PCSK2: variants seen among roughly 807,000 people sequenced by gnomAD.
PCSK2 encodes neuroendocrine convertase 2.
A neutral mutation model predicts 69.7 loss-of-function variants in PCSK2; 14 were observed. The observed-to-expected ratio is 0.20, with a 90% CI of 0.13 to 0.31. PCSK2 has a LOEUF of 0.31. Ranked by LOEUF, PCSK2 falls within the 10% of genes least tolerant of loss-of-function variation. The pLI is 1.00. For synonymous variants in PCSK2, 307 were observed against 320.7 expected (o/e 0.96, Z 0.46); for missense variants, 544 against 842.5 (o/e 0.65, Z 4.39).
intron 8 of PCSK2, among the ~76,000 whole-genome samples, chr20:17,447,334 G>A (rs1699506053): frequency 6.6e-6 from 1 of 151,144 alleles, no homozygotes; most frequent in African/African-American, 2.4e-5. Context: ...TTTGGGGCTT[G>A]GGGCTTTGCT....
intron 7 of PCSK2, among the ~76,000 whole-genome samples, chr20:17,432,327 C>T (rs1299095196): frequency 4.6e-5 from 7 of 152,112 alleles, no homozygotes; most frequent in South Asian, 2.1e-4. Flanking sequence ...TTTCTCTTCG[C>T]GTCCGTCTTC....
intron 8 of PCSK2, among the ~76,000 whole-genome samples, chr20:17,448,632 C>A (rs759403061): frequency 1.3e-5 from 2 of 152,066 alleles, no homozygotes; most frequent in Non-Finnish European, 2.9e-5. Flanking sequence ...GTTTAGTAGT[C>A]TCCCTGGCCT....
At chr20:17,359,213 C>T (rs910688775) in intron 3 of PCSK2, among the ~76,000 whole-genome samples, 2 of 152,198 alleles carry the variant, frequency 1.3e-5, no homozygotes, top group Non-Finnish European at 2.9e-5. Context: ...TTGTGGACGG[C>T]TACATTACAG....
chr20:17,316,575 G>T (rs529626466), intron 2 of PCSK2, among the ~76,000 whole-genome samples: 3 of 152,260 alleles, frequency 2.0e-5, no homozygotes, highest in African/African-American at 7.2e-5. Flanking sequence ...GATTCTAAGT[G>T]AATCTAGAGT....
chr20:17,368,615 T>C (rs1367605331), intron 4 of PCSK2, among the ~76,000 whole-genome samples: 3 of 152,214 alleles, frequency 2.0e-5, no homozygotes, highest in Admixed American at 1.3e-4. Context: ...GCAGTGCTCA[T>C]AGTCCCTGAT....
At chr20:17,293,296 TTG>T (rs1468295741) in intron 2 of PCSK2, among the ~76,000 whole-genome samples, 1 of 152,246 alleles carries the variant, frequency 6.6e-6, no homozygotes, top group Non-Finnish European at 1.5e-5. Context: ...GTTATTTAAC[TTG>T]TGTTTTATAA....
At chr20:17,345,068 A>G (rs2123180002) in intron 2 of PCSK2, among the ~76,000 whole-genome samples, 1 of 152,312 alleles carries the variant, frequency 6.6e-6, no homozygotes, top group South Asian at 2.1e-4. Context: ...CTTGTTTTCC[A>G]AATCTTTTCA....
intron 5 of PCSK2, among the ~76,000 whole-genome samples, chr20:17,391,900 G>GGA (rs1389321342): frequency 7.5e-6 from 1 of 132,830 alleles, no homozygotes; most frequent in East Asian, 2.1e-4. Context: ...GAGAGAGAAA[G>GGA]AGAGAGAGGA....
intron 5 of PCSK2, among the ~76,000 whole-genome samples, 165 bp from the exon 6 acceptor site, chr20:17,409,098 C>G (rs975549467): frequency 2.0e-5 from 3 of 152,156 alleles, no homozygotes; most frequent in East Asian, 1.9e-4. Context: ...ATGGAAAACC[C>G]CAAAGACATG....
chr20:17,463,657 A>ACCCCCC (rs1600600308), intron 10 of PCSK2: 1 of 54,990 alleles, frequency 1.8e-5, no homozygotes, highest in Non-Finnish European at 3.7e-5. Context: ...ATCCCTCCCC[A>ACCCCCC]TCCCCCCACC....
intron 2 of PCSK2, among the ~76,000 whole-genome samples, chr20:17,261,889 C>T (rs76792167): frequency 3.3e-5 from 5 of 152,170 alleles, no homozygotes; most frequent in African/African-American, 7.2e-5. Context: ...TCTTCTTCCA[C>T]GATTAAAGGC....
intron 4 of PCSK2, among the ~76,000 whole-genome samples, chr20:17,365,696 C>T (rs1037130007): frequency 1.3e-5 from 2 of 152,162 alleles, no homozygotes; most frequent in African/African-American, 4.8e-5. Context: ...GTGAGACAGG[C>T]ATAAAACATA....
chr20:17,433,032 T>C (rs1425637230), intron 7 of PCSK2, among the ~76,000 whole-genome samples: 5 of 152,248 alleles, frequency 3.3e-5, no homozygotes, highest in African/African-American at 4.8e-5. Context: ...CTGCAGAGAC[T>C]CTCAGAGCAG....
At chr20:17,447,984 T>G (rs534341977) in intron 8 of PCSK2, among the ~76,000 whole-genome samples, 1 of 152,326 alleles carries the variant, frequency 6.6e-6, no homozygotes, top group Non-Finnish European at 1.5e-5. Context: ...CCAGTGATTA[T>G]CTATTCATGT....
intron 1 of PCSK2, among the ~76,000 whole-genome samples, chr20:17,256,971 A>G (rs1987199280): frequency 6.6e-6 from 1 of 152,182 alleles, no homozygotes; most frequent in African/African-American, 2.4e-5. Flanking sequence ...TTATGGCTGC[A>G]TAGCATTCCA....
chr20:17,434,282 A>G (rs903267867), intron 7 of PCSK2, among the ~76,000 whole-genome samples: 1 of 149,708 alleles, frequency 6.7e-6, no homozygotes, highest in Non-Finnish European at 1.5e-5. Flanking sequence ...CTCTGTCTCC[A>G]CCCCACATTC....
At chr20:17,249,219 G>A (rs1262643045) in intron 1 of PCSK2, among the ~76,000 whole-genome samples, 1 of 152,052 alleles carries the variant, frequency 6.6e-6, no homozygotes. Context: ...TAAAAATGTT[G>A]CATTAAGTCG....
At chr20:17,245,566 C>T (rs1285371256) in intron 1 of PCSK2, among the ~76,000 whole-genome samples, 1 of 152,134 alleles carries the variant, frequency 6.6e-6, no homozygotes, top group Non-Finnish European at 1.5e-5. Flanking sequence ...ATAGCTGCTC[C>T]AAAGAGCTTG....
chr20:17,351,770 T>A (rs2029996166), intron 2 of PCSK2, among the ~76,000 whole-genome samples: 1 of 152,096 alleles, frequency 6.6e-6, no homozygotes, highest in African/African-American at 2.4e-5. Flanking sequence ...CTGGAAGGAT[T>A]CCCCTTGAGG....
Sources: allele counts gnomAD v4.1 joint callset (sites outside exome capture counted in the v4.1 genomes callset), GRCh38; gene constraint gnomAD v4.1.1; transcripts MANE v1.5; gene names NCBI Gene and HGNC (gene_info 2026-07-23, HGNC 2026-07-21).